Variants in RGS6 observed in about 807,000 individuals in gnomAD.
RGS6 encodes regulator of G-protein signaling 6.
RGS6 carries 30 observed loss-of-function variants against 78.5 expected under a neutral mutation model. The observed-to-expected ratio is 0.38, with a 90% CI of 0.29 to 0.52. The LOEUF (loss-of-function observed/expected upper bound fraction) is 0.52. Ranked by LOEUF, RGS6 falls within the 20% of genes least tolerant of loss-of-function variation. The pLI is 0.85. For synonymous variants in RGS6, 206 were observed against 206.0 expected (o/e 1.00, Z 0.00); for missense variants, 495 against 609.7 (o/e 0.81, Z 1.98).
At chr14:72,419,761 G>A (rs531827324) in intron 3 of RGS6, among the ~76,000 whole-genome samples, 17 of 152,320 alleles carry the variant, frequency 1.1e-4, no homozygotes, top group Admixed American at 5.9e-4. Context: ...GTAAAGAGCA[G>A]CAAAATCATA....
At chr14:72,495,508 A>G (rs1196461233) in intron 13 of RGS6, among the ~76,000 whole-genome samples, 1 of 152,072 alleles carries the variant, frequency 6.6e-6, no homozygotes, top group Non-Finnish European at 1.5e-5. Flanking sequence ...GTCCCTCACC[A>G]TTCCCTAGTT....
intron 2 of RGS6, among the ~76,000 whole-genome samples, chr14:72,010,705 G>A (rs1441401593): frequency 6.6e-6 from 1 of 152,242 alleles, no homozygotes; most frequent in African/African-American, 2.4e-5. Context: ...AATAAATCAG[G>A]GGAGGAAGAT....
At chr14:72,624,333 C>CTTTTTTTTTTTTTTTT in the RGS6 span, among the ~76,000 whole-genome samples, 13 of 97,796 alleles carry the variant, frequency 1.3e-4, 1 homozygote, top group African/African-American at 5.0e-4. Context: ...ACCTATGTCT[C>CTTTTTTTTTTTTTTTT]TTTTTTTTTT....
At chr14:72,100,540 A>G (rs1221609041) in intron 2 of RGS6, among the ~76,000 whole-genome samples, 2 of 152,126 alleles carry the variant, frequency 1.3e-5, no homozygotes, top group Non-Finnish European at 2.9e-5. Context: ...GAAGGCTAAG[A>G]AGGCATCGTG....
intron 1 of RGS6, among the ~76,000 whole-genome samples, chr14:71,959,794 G>A (rs755208412): frequency 3.0e-4 from 46 of 152,242 alleles, no homozygotes; most frequent in Admixed American, 7.9e-4. Context: ...GGTCAGTTTC[G>A]ATATTCATTC....
chr14:72,219,052 A>G (rs1321335094), intron 2 of RGS6, among the ~76,000 whole-genome samples: 1 of 151,864 alleles, frequency 6.6e-6, no homozygotes, highest in Non-Finnish European at 1.5e-5. Flanking sequence ...TAAAGTCTGT[A>G]AAGTGCATTA....
rs571477252 is a variant in RGS6, at chr14:72,411,819, G to T, written c.185-42709G>T. 7.2e-4 allele frequency among the ~76,000 whole-genome samples: 110 copies of T among 152,282 alleles called. 1 individual carries two copies. The highest frequency in any genetic ancestry group is 2.6e-3 in the African/African-American group (107 of 41,564). On this transcript the variant is annotated intron_variant, in intron 3 of 17. Coordinates refer to ENST00000553525, the MANE Select transcript of RGS6 (RefSeq NM_001204424.2). ...CAAAGGCCTTTTCTGCATCTATTGA[G>T]ATTATCATGCGGTTTTTGTCTTTGG...
intron 2 of RGS6, among the ~76,000 whole-genome samples, chr14:72,143,314 A>G (rs1291202089): frequency 6.6e-6 from 1 of 152,136 alleles, no homozygotes; most frequent in Non-Finnish European, 1.5e-5. Flanking sequence ...CAGAGGTTGC[A>G]GTGAGCCAAG....
chr14:72,110,797 C>A (rs968733398), intron 2 of RGS6, among the ~76,000 whole-genome samples: 2 of 152,158 alleles, frequency 1.3e-5, no homozygotes, highest in Admixed American at 6.5e-5. Context: ...AGACAAGTGT[C>A]ACAAGGACCA....
intron 2 of RGS6, among the ~76,000 whole-genome samples, chr14:72,182,479 C>G (rs17108618): frequency 1.8e-4 from 27 of 149,228 alleles, no homozygotes; most frequent in Non-Finnish European, 2.8e-4. Context: ...TTTCTATTAA[C>G]TCCAACCAAG....
intron 2 of RGS6, among the ~76,000 whole-genome samples, chr14:72,310,950 A>T (rs2152459301): frequency 6.6e-6 from 1 of 152,374 alleles, no homozygotes; most frequent in East Asian, 1.9e-4. Flanking sequence ...GTTCCCTGAA[A>T]TTAAAACAGG....
intron 3 of RGS6, among the ~76,000 whole-genome samples, chr14:72,394,210 C>T (rs61995116): frequency 0.12 from 17,945 of 151,758 alleles, 1,474 homozygotes; most frequent in African/African-American, 0.24. Flanking sequence ...GCTGGGTGTC[C>T]GGGGGAGACA....
intron 2 of RGS6, among the ~76,000 whole-genome samples, chr14:72,235,141 C>T (rs1169043959): frequency 6.6e-6 from 1 of 152,148 alleles, no homozygotes; most frequent in East Asian, 1.9e-4. Context: ...TTCTTGGCAT[C>T]TGGAACGGTA....
chr14:72,142,323 A>G (rs535522998), intron 2 of RGS6, among the ~76,000 whole-genome samples: 6 of 152,120 alleles, frequency 3.9e-5, no homozygotes, highest in African/African-American at 7.2e-5. Context: ...AAAAAAAAAA[A>G]AGAGAGGAGA....
chr14:72,186,023 T>C (rs2097239955), intron 2 of RGS6, among the ~76,000 whole-genome samples: 1 of 152,270 alleles, frequency 6.6e-6, no homozygotes, highest in South Asian at 2.1e-4. Context: ...GTGAGTATTA[T>C]TCTCTTCTAT....
chr14:72,251,690 G>A (rs148004260), intron 2 of RGS6, among the ~76,000 whole-genome samples: 27 of 152,204 alleles, frequency 1.8e-4, no homozygotes, highest in Admixed American at 3.3e-4. Flanking sequence ...GGGAACAATC[G>A]ACACCAGGGA....
At chr14:71,873,450 G>A in the RGS6 span, among the ~76,000 whole-genome samples, 1 of 152,182 alleles carries the variant, frequency 6.6e-6, no homozygotes, top group Admixed American at 6.5e-5. Context: ...CTTTTGAGGA[G>A]TGTCTGTTCA....
At chr14:72,464,971 T>C (rs2095864898) in intron 6 of RGS6, among the ~76,000 whole-genome samples, 1 of 152,164 alleles carries the variant, frequency 6.6e-6, no homozygotes, top group Non-Finnish European at 1.5e-5. Context: ...TTCAGTGCAA[T>C]GGAATTTAGT....
At chr14:72,600,055 G>A in the RGS6 span, among the ~76,000 whole-genome samples, 1 of 152,086 alleles carries the variant, frequency 6.6e-6, no homozygotes, top group African/African-American at 2.4e-5. Context: ...TTGTCATTGT[G>A]TCATTGTGTG....
Sources: allele counts gnomAD v4.1 joint callset (sites outside exome capture counted in the v4.1 genomes callset), GRCh38; gene constraint gnomAD v4.1.1; transcripts MANE v1.5; gene names NCBI Gene and HGNC (gene_info 2026-07-23, HGNC 2026-07-21).